ODR4: variants seen among roughly 807,000 people sequenced by gnomAD.
ODR4 encodes the protein protein odr-4 homolog.
A neutral mutation model predicts 60.2 loss-of-function variants in ODR4; 47 were observed. The ratio of observed to expected loss-of-function variants is 0.78; its 90% CI spans 0.62 to 1.00. ODR4 has a LOEUF of 1.00. Ranked by LOEUF, ODR4 falls within the 50% of genes least tolerant of loss-of-function variation. The pLI is 0.00. For synonymous variants in ODR4, 178 were observed against 175.5 expected (o/e 1.01, Z -0.11); for missense variants, 488 against 530.8 (o/e 0.92, Z 0.79).
intron 1 of ODR4, among the ~76,000 whole-genome samples, chr1:186,379,527 T>A (rs1300754228): frequency 6.6e-6 from 1 of 152,004 alleles, no homozygotes; most frequent in Non-Finnish European, 1.5e-5. Context: ...GAGTAAAAGG[T>A]TTGATCTCTC....
rs1426461096 is a variant in ODR4 at position 186,391,757 on chromosome 1, T to C, written c.677T>C (p.Val226Ala). ...ENGVYLINGQ[V>A]KDEDCDLLEG... ...GGTGTTTATTTGATTAATGGACAAGTTAAAGATGAAGATTGTGACCTATTA... is the reference window on the plus strand; with the variant it reads ...GGTGTTTATTTGATTAATGGACAAGCTAAAGATGAAGATTGTGACCTATTA... Residue 226 changes from valine to alanine, a missense_variant, in exon 8 of 14, where the codon GTT becomes GCT. By Grantham distance (64) the Val-to-Ala change is moderately conservative. Coordinates refer to ENST00000287859, the MANE Select transcript of ODR4 (RefSeq NM_017847.6). 6.2e-7 allele frequency: 1 copy of C among 1,603,860 alleles called. No homozygotes were observed. The highest frequency in any genetic ancestry group is 1.1e-5 in the South Asian group (1 of 88,896).
At position 186,418,351 on chromosome 1, in the gene ODR4, C is replaced by T. The variant is rs1199349984; in HGVS notation, c.1298-658C>T. On this transcript the variant is annotated intron_variant, in intron 13 of 13. Coordinates refer to ENST00000287859, the MANE Select transcript of ODR4 (RefSeq NM_017847.6). ...TGTCGCCCAGGCTGGAGTGCAGTGG[C>T]GCAATCTCGGCTCACTGCAAGCTCC... Among the ~76,000 whole-genome samples, 6 of 142,500 alleles carry T rather than the reference C, an allele frequency of 4.2e-5. No individual in the cohort carries two copies. The East Asian group carries it at 1.0e-3, about 24-fold the overall frequency. 93.5% of individuals were successfully genotyped at this position (142,500 alleles called of 152,430 possible).
At chr1:186,377,488 A>T (rs2102006447) in intron 1 of ODR4, among the ~76,000 whole-genome samples, 1 of 152,368 alleles carries the variant, frequency 6.6e-6, no homozygotes, top group African/African-American at 2.4e-5. Context: ...GTGACACCCT[A>T]GAAGAAATAA....
chr1:186,389,636 A>T lies in ODR4; in HGVS notation c.474+12A>T, dbSNP rs571151763. On this transcript the variant is annotated intron_variant, in intron 6 of 13. Transcript: ENST00000287859. ...TCCATGATCCAAAGGTAAGAAATTTACTCTTTAAAGATTTTTCTGTGTCAC... is the reference window on the plus strand; with the variant it reads ...TCCATGATCCAAAGGTAAGAAATTTTCTCTTTAAAGATTTTTCTGTGTCAC... 6.7e-7 allele frequency: 1 copy of T among 1,482,962 alleles called. No homozygotes were observed. The highest frequency in any genetic ancestry group is 1.4e-5 in the African/African-American group (1 of 69,978). 91.9% of individuals were successfully genotyped at this position (1,482,962 alleles called of 1,614,324 possible).
chr1:186,425,459 G>A (rs573694036), downstream of ODR4, among the ~76,000 whole-genome samples: 4 of 152,272 alleles, frequency 2.6e-5, no homozygotes, highest in South Asian at 4.1e-4. Context: ...TTCTACCTGA[G>A]AGTGGTTCTC....
At chr1:186,406,551 A>C (rs941451574) in intron 12 of ODR4, among the ~76,000 whole-genome samples, 1 of 152,210 alleles carries the variant, frequency 6.6e-6, no homozygotes, top group African/African-American at 2.4e-5. Context: ...TAAGTAGGTA[A>C]AATTACAAAG....
At position 186,412,116 on chromosome 1, in the gene ODR4, T is replaced by C. The variant is rs1648766618; in HGVS notation, c.1187-5428T>C. Among the ~76,000 whole-genome samples the C allele has an allele frequency of 2.0e-5, 3 of 152,282 alleles. No homozygotes were observed. In the South Asian group the frequency reaches 6.2e-4, roughly 32 times the overall value. The stretch of plus-strand genomic sequence containing the variant: ...CTATTATGTATTAGGATTCTACAGA[T>C]AAAATATGTAGTCCTGACTCTCAAG... On this transcript the variant is annotated intron_variant, in intron 12 of 13. Transcript: ENST00000287859.
chr1:186,377,635 C>A (rs920926983), intron 1 of ODR4, among the ~76,000 whole-genome samples: 7 of 152,172 alleles, frequency 4.6e-5, no homozygotes, highest in African/African-American at 1.7e-4. Context: ...TAAGGCATTA[C>A]TAAAAGGTAA....
intron 11 of ODR4, 144 bp from the exon 12 acceptor site, chr1:186,405,939 T>G: frequency 1.8e-6 from 1 of 564,238 alleles, no homozygotes; most frequent in South Asian, 4.4e-5. Flanking sequence ...AAGAGCAATT[T>G]TGTGCCAGAT....
At chr1:186,422,560 A>G (rs1661812006), downstream of ODR4, among the ~76,000 whole-genome samples, 1 of 152,194 alleles carries the variant, frequency 6.6e-6, no homozygotes, top group Non-Finnish European at 1.5e-5. Flanking sequence ...CAAAACATCA[A>G]ATAATTGGTA....
chr1:186,400,183 G>C (rs1434770484), intron 11 of ODR4, among the ~76,000 whole-genome samples: 2 of 150,054 alleles, frequency 1.3e-5, no homozygotes, highest in Non-Finnish European at 3.0e-5. Context: ...GTAGAGACGG[G>C]GTTTCACCGT....
In ODR4 at chr1:186,398,974, G is replaced by T; in HGVS notation, c.930G>T (p.Leu310Phe). The change falls in exon 11 of 14, where the codon TTG becomes TTT. Residue 310 changes from leucine (L) to phenylalanine (F), a missense_variant. Leu to Phe is a conservative substitution (Grantham distance 22, BLOSUM62 0). Transcript: ENST00000287859. ...TGTAGGCAGTAAAGAGGGATATATT[G>T]AACACAGTTGCTGATCGTTGTGAAA... ...DAVQAVKRDILNTVADRCEML... is the reference protein window; with the variant it reads ...DAVQAVKRDIFNTVADRCEML... 6.2e-7 allele frequency: 1 copy of T among 1,612,386 alleles called. No individual in the cohort carries two copies. The highest frequency in any genetic ancestry group is 1.1e-5 in the South Asian group (1 of 90,818).
chr1:186,416,855 C>CAAAAAAAAAAA (rs71104859), intron 12 of ODR4, among the ~76,000 whole-genome samples: 1 of 85,718 alleles, frequency 1.2e-5, no homozygotes. Context: ...GATTCTGTCT[C>CAAAAAAAAAAA]AAAAAAAAAA....
At chr1:186,400,022 C>A (rs1254773234) in intron 11 of ODR4, among the ~76,000 whole-genome samples, 1 of 100,370 alleles carries the variant, frequency 1.0e-5, no homozygotes. Context: ...GACGGAGTTT[C>A]GCTCTGTCGC....
intron 11 of ODR4, chr1:186,401,452 G>T: frequency 3.9e-6 from 1 of 253,980 alleles, no homozygotes; most frequent in Non-Finnish European, 8.0e-6. Flanking sequence ...TGACTTTATA[G>T]GCATCGTCCG....
rs190275235 is a variant in ODR4 at position 186,406,173 on chromosome 1, A to G, written c.1091A>G (p.Asp364Gly). Residue 364 changes from aspartate to glycine, a missense_variant, in exon 12 of 14, where the codon GAT becomes GGT. Transcript: ENST00000287859. ...TVMLCDYKFD[D>G]ESAEEIRDHF... Reference sequence around the variant, plus strand: ...ATGTTGTGTGATTATAAATTTGACGATGAGTCAGCTGAAGAAATCAGGGAC... The same window carrying G: ...ATGTTGTGTGATTATAAATTTGACGGTGAGTCAGCTGAAGAAATCAGGGAC... 11,186 of 1,612,548 alleles carry G rather than the reference A, an allele frequency of 6.9e-3. 63 individuals carry two copies. The highest frequency in any genetic ancestry group is 7.0e-3 in the Non-Finnish European group (8,247 of 1,179,246).
chr1:186,417,881 G>A (rs903504916), intron 13 of ODR4, among the ~76,000 whole-genome samples: 3 of 152,028 alleles, frequency 2.0e-5, no homozygotes, highest in Non-Finnish European at 2.9e-5. Context: ...TTTTTAAAAC[G>A]TTCTTAAAAG....
At chr1:186,388,245 G>A (rs1169185303) in intron 4 of ODR4, among the ~76,000 whole-genome samples, 197 bp from the exon 5 acceptor site, 2 of 152,204 alleles carry the variant, frequency 1.3e-5, no homozygotes, top group Non-Finnish European at 2.9e-5. Context: ...TACTTGGGAA[G>A]CTGAGGTGAG....
intron 6 of ODR4, among the ~76,000 whole-genome samples, 181 bp downstream of exon 6, chr1:186,389,805 C>T (rs912181047): frequency 3.3e-5 from 5 of 151,914 alleles, no homozygotes; most frequent in Non-Finnish European, 5.9e-5. Flanking sequence ...CTTTTTTGTG[C>T]GTGACAGGGT....
Sources: gnomAD v4.1 joint callset for allele counts (sites outside exome capture counted in the v4.1 genomes callset) on GRCh38, gnomAD v4.1.1 for gene constraint, MANE v1.5 for transcripts, NCBI Gene and HGNC (gene_info 2026-07-23, HGNC 2026-07-21) for gene names.